Variants in KIAA1671 observed in about 807,000 individuals in gnomAD.
The protein encoded by KIAA1671 is uncharacterized protein KIAA1671.
KIAA1671 carries 52 observed loss-of-function variants against 131.2 expected under a neutral mutation model. The ratio of observed to expected loss-of-function variants is 0.40; its 90% CI spans 0.32 to 0.50. The LOEUF is 0.50. KIAA1671 is among the 20% of genes least tolerant of loss of function. KIAA1671 has a pLI of 0.73. For missense variants in KIAA1671, 2,360 were observed against 2,364.2 expected, an observed-to-expected ratio of 1.00 and a Z score of 0.04; for synonymous variants, 1,003 against 961.6, an observed-to-expected ratio of 1.04 and a Z score of -0.80.
chr22:24,964,373 A>C (rs1450155617), intron 1 of KIAA1671, among the ~76,000 whole-genome samples: 1 of 151,994 alleles, frequency 6.6e-6, no homozygotes, highest in African/African-American at 2.4e-5. Flanking sequence ...AAAAATAACA[A>C]GTGAGTATTA....
chr22:25,037,362 A>G (rs1926664878), intron 4 of KIAA1671, among the ~76,000 whole-genome samples: 1 of 150,360 alleles, frequency 6.7e-6, no homozygotes, highest in Non-Finnish European at 1.5e-5. Context: ...AAAAATATAT[A>G]TGTGTATATA....
chr22:24,982,866 A>G (rs759004057), intron 1 of KIAA1671, among the ~76,000 whole-genome samples: 45 of 152,254 alleles, frequency 3.0e-4, no homozygotes, highest in Non-Finnish European at 4.6e-4. Context: ...GGCTCCTTGA[A>G]TCACTCATAG....
intron 6 of KIAA1671, among the ~76,000 whole-genome samples, chr22:25,155,145 A>G (rs963800456): frequency 6.6e-6 from 1 of 152,168 alleles, no homozygotes; most frequent in Non-Finnish European, 1.5e-5. Flanking sequence ...TTTTAAACCT[A>G]TTCATAATAA....
chr22:25,045,678 C>T (rs1179808248), intron 5 of KIAA1671, among the ~76,000 whole-genome samples: 1 of 152,132 alleles, frequency 6.6e-6, no homozygotes, highest in South Asian at 2.1e-4. Context: ...CAACCCCCGC[C>T]TCCCGGGTTC....
chr22:25,034,459 T>TC (rs1926477784), intron 4 of KIAA1671, among the ~76,000 whole-genome samples: 1 of 151,496 alleles, frequency 6.6e-6, no homozygotes, highest in Non-Finnish European at 1.5e-5. Flanking sequence ...GAATCAGTCC[T>TC]CTTTTTTTTT....
At chr22:24,977,278 C>T (rs1264915612) in intron 1 of KIAA1671, among the ~76,000 whole-genome samples, 1 of 152,202 alleles carries the variant, frequency 6.6e-6, no homozygotes, top group Non-Finnish European at 1.5e-5. Flanking sequence ...GCAATGGAGG[C>T]AGGAGATGGA....
At chr22:25,093,280 T>G (rs1930111500) in intron 6 of KIAA1671, among the ~76,000 whole-genome samples, 1 of 152,134 alleles carries the variant, frequency 6.6e-6, no homozygotes, top group South Asian at 2.1e-4. Context: ...CTAGCTATGC[T>G]TCACAGCCTA....
chr22:25,157,235 A>T (rs546498914), intron 6 of KIAA1671, among the ~76,000 whole-genome samples: 1 of 152,364 alleles, frequency 6.6e-6, no homozygotes, highest in East Asian at 1.9e-4. Context: ...AATAAAAAAA[A>T]GTCATCTCTC....
intron 6 of KIAA1671, among the ~76,000 whole-genome samples, chr22:25,129,998 T>C (rs1932362193): frequency 6.6e-6 from 1 of 152,032 alleles, no homozygotes; most frequent in African/African-American, 2.4e-5. Flanking sequence ...CCCAGCACTT[T>C]GGGAGGCTGA....
At position 25,028,440 on chromosome 22, in the gene KIAA1671, C is replaced by A; in HGVS notation, c.441C>A (p.Phe147Leu). Residue 147 changes from phenylalanine (F) to leucine (L), a missense_variant, in exon 3 of 13, where the codon TTC (phenylalanine) becomes TTA (leucine). Phe to Leu is a conservative substitution (Grantham distance 22). This residue lies in a region of KIAA1671 where 1,185 missense variants were observed against 1,126.2 expected (regional missense o/e 1.05). Transcript: ENST00000358431. ...CCAGCTCCAGCACCATGATTCTCTT[C>A]GAAACCACCAAAAGCGGCCCCGCTC... ...LRPSSSTMIL[F>L]ETTKSGPALG... 1.3e-6 allele frequency: 2 copies of A among 1,550,804 alleles called. No homozygotes were observed. Among genetic ancestry groups the A allele is most frequent in the South Asian group, 2.4e-5 (2 of 83,942 alleles).
At chr22:25,099,509 C>G (rs1167022707) in intron 6 of KIAA1671, among the ~76,000 whole-genome samples, 1 of 115,212 alleles carries the variant, frequency 8.7e-6, no homozygotes, top group Non-Finnish European at 1.8e-5. Flanking sequence ...GGGCATTTCT[C>G]TTTATAAGTT....
intron 6 of KIAA1671, chr22:25,111,092 G>C (rs1398184085): frequency 6.6e-6 from 1 of 152,482 alleles, no homozygotes; most frequent in Non-Finnish European, 1.5e-5. Flanking sequence ...GAAATCAACA[G>C]AGAAACAGAC....
At chr22:25,105,974 G>A (rs1295042081) in intron 6 of KIAA1671, among the ~76,000 whole-genome samples, 1 of 152,182 alleles carries the variant, frequency 6.6e-6, no homozygotes, top group African/African-American at 2.4e-5. Context: ...GGAGCTGATG[G>A]TGTAATACAG....
intron 6 of KIAA1671, among the ~76,000 whole-genome samples, chr22:25,146,000 C>T (rs1932872641): frequency 6.6e-6 from 1 of 151,676 alleles, no homozygotes; most frequent in South Asian, 2.1e-4. Context: ...CATCTTTTGT[C>T]AGTGGCAGTG....
intron 11 of KIAA1671, among the ~76,000 whole-genome samples, chr22:25,188,444 TCGGG>T (rs1447536807): frequency 8.3e-6 from 1 of 120,646 alleles, no homozygotes; most frequent in African/African-American, 3.2e-5. Flanking sequence ...ACAGAGCCAA[TCGGG>T]TGTGTGTGTG....
intron 6 of KIAA1671, among the ~76,000 whole-genome samples, chr22:25,125,441 G>A (rs541018637): frequency 3.6e-4 from 55 of 152,302 alleles, no homozygotes; most frequent in Middle Eastern, 6.8e-3. Context: ...AGTCGACCAA[G>A]CATGGACTCC....
chr22:25,121,824 C>T (rs1444327532), intron 6 of KIAA1671, among the ~76,000 whole-genome samples: 3 of 152,162 alleles, frequency 2.0e-5, no homozygotes, highest in African/African-American at 7.2e-5. Flanking sequence ...ATTACTTTTG[C>T]TTTTAATGTG....
intron 1 of KIAA1671, among the ~76,000 whole-genome samples, chr22:24,953,909 C>T (rs185678549): frequency 3.5e-4 from 53 of 152,098 alleles, no homozygotes; most frequent in African/African-American, 1.0e-3. Flanking sequence ...TTTTTTGTGA[C>T]CTTGGGCAAA....
intron 6 of KIAA1671, among the ~76,000 whole-genome samples, chr22:25,125,306 A>G (rs9624728): frequency 0.074 from 11,225 of 152,236 alleles, 1,337 homozygotes; most frequent in African/African-American, 0.25. Flanking sequence ...CCACTGAGCT[A>G]AGCAGATTGT....
Sources: gnomAD v4.1 joint callset for allele counts (sites outside exome capture counted in the v4.1 genomes callset) on GRCh38, gnomAD v4.1.1 for gene constraint, gnomAD v4.1.1 regional missense constraint, MANE v1.5 for transcripts, NCBI Gene and HGNC (gene_info 2026-07-23, HGNC 2026-07-21) for gene names.